GABRA4: variants seen among roughly 807,000 people sequenced by gnomAD.
GABRA4 encodes gamma-aminobutyric acid receptor subunit alpha-4.
A neutral mutation model predicts 49.7 loss-of-function variants in GABRA4; 12 were observed. The ratio of observed to expected loss-of-function variants is 0.24; its 90% CI spans 0.15 to 0.39. GABRA4 has a LOEUF of 0.39. Among genes scored for constraint, GABRA4 ranks in the 10% least tolerant of loss-of-function variants. The pLI is 1.00. For missense variants in GABRA4, 506 were observed against 686.0 expected, an observed-to-expected ratio of 0.74 and a Z score of 2.93; for synonymous variants, 288 against 240.2, an observed-to-expected ratio of 1.20 and a Z score of -1.84.
chr4:46,966,132 A>G (rs2109377523), intron 7 of GABRA4, among the ~76,000 whole-genome samples: 1 of 151,762 alleles, frequency 6.6e-6, no homozygotes, highest in Admixed American at 6.6e-5. Flanking sequence ...TAATATTTGA[A>G]CTCTTGTCTA....
In GABRA4 at chr4:46,992,932, G is replaced by T. The variant is rs775117048; in HGVS notation, c.101C>A (p.Pro34Gln). 1 of 1,610,854 alleles carries T rather than the reference G, an allele frequency of 6.2e-7. No homozygotes were observed. The highest frequency in any genetic ancestry group is 8.5e-7 in the Non-Finnish European group (1 of 1,178,704). Residue 34 changes from proline (P) to glutamine (Q), a missense_variant, in exon 2 of 9, where the codon CCA (proline) becomes CAA (glutamine). Around this residue, in one of 5 missense-constraint regions of GABRA4, gnomAD observed 195 missense variants for 326.0 expected, o/e 0.60. Coordinates refer to ENST00000264318, the MANE Select transcript of GABRA4 (RefSeq NM_000809.4). Reference sequence around the variant, plus strand: ...TTTCTCCTCCTTTTGGTTCTGTCCTGGGGATTCGTTTAAACTGCAAGCGAA... The same window carrying T: ...TTTCTCCTCCTTTTGGTTCTGTCCTTGGGATTCGTTTAAACTGCAAGCGAA... ...LCLAVCLNES[P>Q]GQNQKEEKLC...
rs759950483 is a variant in GABRA4 at position 46,974,235 on chromosome 4, T to A, written c.718A>T (p.Thr240Ser). Residue 240 changes from threonine (T) to serine (S), a missense_variant, in exon 6 of 9, where the codon ACG becomes TCG. Thr to Ser is a moderately conservative substitution (Grantham distance 58). This residue lies in a region of GABRA4 where 195 missense variants were observed against 326.0 expected (regional missense o/e 0.60). Coordinates refer to ENST00000264318, the MANE Select transcript of GABRA4 (RefSeq NM_000809.4). The part of the protein sequence containing the change: ...TVSSETIKSI[T>S]GEYIVMTVYF... ...CTTTAATCATTACACATCTCACCCGTAATTGATTTGATGGTTTCACTTGAT... is the reference window on the plus strand; with the variant it reads ...CTTTAATCATTACACATCTCACCCGAAATTGATTTGATGGTTTCACTTGAT... 13 of 1,610,542 alleles carry A rather than the reference T, an allele frequency of 8.1e-6. No homozygotes were observed. Among genetic ancestry groups the A allele is most frequent in the Non-Finnish European group, 1.1e-5 (13 of 1,177,970 alleles).
chr4:46,940,980 A>T (rs1233782202), intron 8 of GABRA4, among the ~76,000 whole-genome samples: 1 of 152,142 alleles, frequency 6.6e-6, no homozygotes, highest in Non-Finnish European at 1.5e-5. Flanking sequence ...ACTATTTTGC[A>T]TGTTCTACCA....
chr4:46,955,146 G>A (rs1722297154), intron 8 of GABRA4, among the ~76,000 whole-genome samples: 1 of 151,954 alleles, frequency 6.6e-6, no homozygotes, highest in African/African-American at 2.4e-5. Context: ...CAGAACACAT[G>A]AAAATAAATG....
At chr4:46,946,346 T>C (rs918720900) in intron 8 of GABRA4, among the ~76,000 whole-genome samples, 1 of 152,108 alleles carries the variant, frequency 6.6e-6, no homozygotes, top group African/African-American at 2.4e-5. Context: ...TGAAATTATA[T>C]AGAGCGTGAG....
rs1381767150 is a variant in GABRA4, at chr4:46,925,626, C to T, written c.*2599G>A. On this transcript the variant is annotated 3_prime_UTR_variant, in exon 9 of 9. Transcript: ENST00000264318. ...GCAAAAGTGTTTTTACTTGATGTACCTCTGGGTTATTGGGAAGATAGAAAT... is the reference window on the plus strand; with the variant it reads ...GCAAAAGTGTTTTTACTTGATGTACTTCTGGGTTATTGGGAAGATAGAAAT... The T allele has an allele frequency of 6.6e-6, 1 of 150,960 alleles. No homozygotes were observed. The highest frequency in any genetic ancestry group is 1.5e-5 in the Non-Finnish European group (1 of 67,644). 9.4% of individuals were successfully genotyped at this position (150,960 alleles called of 1,614,324 possible).
rs1721177943 is a variant in GABRA4 at position 46,925,265 on chromosome 4, T to C, written c.*2960A>G. On this transcript the variant is annotated 3_prime_UTR_variant, in exon 9 of 9. Transcript: ENST00000264318. ...ACTCTCTACCTACTTTAATACAAGA[T>C]TTGTGAGGTCCAATTTAAAATATAC... The C allele has an allele frequency of 6.6e-6, 1 of 151,938 alleles. No homozygotes were observed. The highest frequency in any genetic ancestry group is 2.4e-5 in the African/African-American group (1 of 41,422). The allele number at this position is 151,938 out of a possible 1,614,324, so 9.4% of individuals were successfully genotyped here.
chr4:46,992,760 G>T, intron 2 of GABRA4, 68 bp downstream of exon 2: 2 of 1,093,068 alleles, frequency 1.8e-6, no homozygotes, highest in East Asian at 4.7e-5. Context: ...TATTCCCACA[G>T]ACAGACAGAC....
rs555502557 is a variant in GABRA4, at chr4:46,979,244, C to T, written c.206-146G>A. 57 of 599,616 alleles carry T rather than the reference C, an allele frequency of 9.5e-5. No individual in the cohort carries two copies. The African/African-American group carries it at 1.0e-3, about 11-fold the overall frequency. 37.1% of individuals were successfully genotyped at this position (599,616 alleles called of 1,614,324 possible). On this transcript the variant is annotated intron_variant, in intron 2 of 8. Transcript: ENST00000264318. ...TTTTCAGTGAGATAATGAATCTCTA[C>T]AAAACAAATGTAGACCAAAGCGCAA...
rs771456386 is a variant in GABRA4, at chr4:46,928,372, C to A, written c.1518G>T (p.Ser506=). ...TGKLSATPPP[S]APPPSGSGTS... is the part of the protein sequence containing the mutation. ...TGCCAGATCCAGAAGGTGGTGGAGC[C>A]GATGGAGGAGGAGTAGCTGACAACT... is the stretch of plus-strand genomic sequence containing the variant. The change falls in exon 9 of 9, where the codon TCG becomes TCT. Residue 506 remains serine, a synonymous_variant. Transcript: ENST00000264318. 16 of 1,613,562 alleles carry A rather than the reference C, an allele frequency of 9.9e-6. No individual in the cohort carries two copies. The highest frequency in any genetic ancestry group is 1.4e-5 in the Non-Finnish European group (16 of 1,179,678).
At chr4:46,933,536 T>G (rs1721512755) in intron 8 of GABRA4, among the ~76,000 whole-genome samples, 1 of 152,192 alleles carries the variant, frequency 6.6e-6, no homozygotes, top group Non-Finnish European at 1.5e-5. Context: ...AGCAGTTAAA[T>G]GACACTCAAG....
In GABRA4 at chr4:46,977,604, C is replaced by T. The variant is rs150230118; in HGVS notation, c.300G>A (p.Arg100=). 1.3e-5 allele frequency: 21 copies of T among 1,612,236 alleles called. No homozygotes were observed. The African/African-American group carries it at 1.3e-4, about 10-fold the overall frequency. The change falls in exon 4 of 9, where the codon AGG becomes AGA. Residue 100 remains arginine, a synonymous_variant. Coordinates refer to ENST00000264318, the MANE Select transcript of GABRA4 (RefSeq NM_000809.4). ...TTAATCTTTTGTCAATCCATGTCTG[C>T]CTGAAGAACACATCCATTGTGTATT... ...EMEYTMDVFF[R]QTWIDKRLKY...
In GABRA4 at chr4:46,971,234, A is replaced by G. The variant is rs745652274; in HGVS notation, c.723T>C (p.Gly241=). ...VSSETIKSIT[G]EYIVMTVYFH... is the part of the protein sequence containing the mutation. ...AGTAAACCGTCATAACAATATATTC[A>G]CCTGCCAAGAAAACAGGAGGAAAAT... is the stretch of plus-strand genomic sequence containing the variant. Residue 241 remains glycine, a splice_region_variant and synonymous_variant, in exon 7 of 9, where the codon GGT becomes GGC. Transcript: ENST00000264318. The G allele has an allele frequency of 6.2e-7, 1 of 1,608,014 alleles. No homozygotes were observed. The highest frequency in any genetic ancestry group is 2.2e-5 in the East Asian group (1 of 44,626).
At position 46,928,126 on chromosome 4, in the gene GABRA4, G is replaced by C; in HGVS notation, c.*99C>G. 9.5e-7 allele frequency: 1 copy of C among 1,052,464 alleles called. No individual in the cohort carries two copies. 65.2% of individuals were successfully genotyped at this position (1,052,464 alleles called of 1,614,324 possible). ...TCTTTAAATGGAAAAATTACACAGAGTTTTTATTTTAGTAAAGAATATTTG... is the reference window on the plus strand; with the variant it reads ...TCTTTAAATGGAAAAATTACACAGACTTTTTATTTTAGTAAAGAATATTTG... On this transcript the variant is annotated 3_prime_UTR_variant, in exon 9 of 9. Transcript: ENST00000264318.
At chr4:46,945,000 A>G (rs909388944) in intron 8 of GABRA4, among the ~76,000 whole-genome samples, 11 of 152,166 alleles carry the variant, frequency 7.2e-5, no homozygotes, top group Admixed American at 6.6e-4. Flanking sequence ...AAACAGTATT[A>G]AAATAAATCA....
intron 8 of GABRA4, among the ~76,000 whole-genome samples, chr4:46,958,169 T>C (rs1447550480): frequency 6.6e-6 from 1 of 151,962 alleles, no homozygotes; most frequent in Non-Finnish European, 1.5e-5. Context: ...ATTTCGATAT[T>C]AGGTTTACCA....
chr4:46,989,436 A>C (rs1560485954), intron 2 of GABRA4, among the ~76,000 whole-genome samples: 1 of 152,190 alleles, frequency 6.6e-6, no homozygotes, highest in Non-Finnish European at 1.5e-5. Flanking sequence ...TCCTCTCAGA[A>C]GTCGGAAACC....
At chr4:46,969,655 C>A (rs754043327) in intron 7 of GABRA4, among the ~76,000 whole-genome samples, 2 of 151,412 alleles carry the variant, frequency 1.3e-5, no homozygotes, top group African/African-American at 2.4e-5. Flanking sequence ...GGTCCAGATA[C>A]CCTATATTGA....
chr4:46,976,016 T>A (rs1176614989), intron 5 of GABRA4, among the ~76,000 whole-genome samples: 1 of 151,882 alleles, frequency 6.6e-6, no homozygotes, highest in Non-Finnish European at 1.5e-5. Context: ...AGTTTCACAA[T>A]CAGTGCGACT....
Sources: gnomAD v4.1 joint callset for allele counts (sites outside exome capture counted in the v4.1 genomes callset) on GRCh38, gnomAD v4.1.1 for gene constraint, gnomAD v4.1.1 regional missense constraint, MANE v1.5 for transcripts, NCBI Gene and HGNC (gene_info 2026-07-23, HGNC 2026-07-21) for gene names.